ACP6: variants seen among roughly 807,000 people sequenced by gnomAD.
ACP6 encodes the protein lysophosphatidic acid phosphatase type 6.
A neutral mutation model predicts 48.1 loss-of-function variants in ACP6; 48 were observed. The ratio of observed to expected loss-of-function variants is 1.00; its 90% CI spans 0.79 to 1.27. ACP6 has a LOEUF of 1.27. ACP6 is among the 50% of genes most tolerant of loss of function. The pLI is 0.00. For synonymous variants in ACP6, 172 were observed against 204.2 expected (o/e 0.84, Z 1.34); for missense variants, 485 against 529.1 (o/e 0.92, Z 0.82).
chr1:147,666,705 T>C (rs1660814535), intron 1 of ACP6, among the ~76,000 whole-genome samples: 1 of 152,174 alleles, frequency 6.6e-6, no homozygotes, highest in Admixed American at 6.5e-5. Context: ...CCAATTAAAT[T>C]AGAATCCTTC....
chr1:147,631,273 T>A (rs782163008), intron 5 of ACP6, among the ~76,000 whole-genome samples: 2 of 152,200 alleles, frequency 1.3e-5, no homozygotes, highest in Non-Finnish European at 2.9e-5. Flanking sequence ...TGACATTATA[T>A]CCATCCCCTA....
chr1:147,663,550 C>G (rs1249116754), intron 1 of ACP6, among the ~76,000 whole-genome samples: 1 of 152,140 alleles, frequency 6.6e-6, no homozygotes, highest in Admixed American at 6.6e-5. Flanking sequence ...GTGGCTCATA[C>G]CTGTAATCCT....
intron 8 of ACP6, chr1:147,649,924 G>C: frequency 1.9e-6 from 1 of 523,012 alleles, no homozygotes; most frequent in Non-Finnish European, 3.3e-6. Context: ...AAAAGAGAGA[G>C]AGAAAGCAAA....
At chr1:147,654,397 T>G in intron 5 of ACP6, 71 bp from the exon 6 acceptor site, 1 of 1,557,212 alleles carries the variant, frequency 6.4e-7, no homozygotes. Context: ...GCTTCACACT[T>G]GGGTTATCAT....
chr1:147,632,073 G>T (rs1466909018), intron 5 of ACP6, among the ~76,000 whole-genome samples: 2 of 151,792 alleles, frequency 1.3e-5, no homozygotes, highest in Non-Finnish European at 2.9e-5. Context: ...CTTTGGCCTG[G>T]CATACTTGAC....
At chr1:147,650,294 A>C (rs782760215) in intron 7 of ACP6, 56 bp from the exon 8 acceptor site, 25 of 1,321,896 alleles carry the variant, frequency 1.9e-5, no homozygotes, top group Non-Finnish European at 2.4e-5. Flanking sequence ...TTCAGGGGAC[A>C]CAGACTGATT....
intron 7 of ACP6, chr1:147,650,502 C>T: frequency 2.8e-6 from 1 of 357,522 alleles, no homozygotes; most frequent in Non-Finnish European, 5.0e-6. Flanking sequence ...GCTGAGGGAG[C>T]AGGAGAGTGG....
chr1:147,650,492 G>A (rs1458238981), intron 7 of ACP6: 4 of 375,178 alleles, frequency 1.1e-5, no homozygotes, highest in Non-Finnish European at 1.9e-5. Flanking sequence ...GATGGGAGGG[G>A]CTGAGGGAGC....
At chr1:147,636,108 T>C (rs1553207969) in intron 5 of ACP6, among the ~76,000 whole-genome samples, 1 of 151,680 alleles carries the variant, frequency 6.6e-6, no homozygotes, top group Non-Finnish European at 1.5e-5. Context: ...TCTCCCAGAG[T>C]GTAGCTGTGG....
chr1:147,658,637 A>T (rs1448235447), intron 4 of ACP6, among the ~76,000 whole-genome samples: 1 of 152,128 alleles, frequency 6.6e-6, no homozygotes, highest in Non-Finnish European at 1.5e-5. Flanking sequence ...GCAATGTCTC[A>T]CCTAAATAAA....
intron 4 of ACP6, 105 bp from the exon 5 acceptor site, chr1:147,655,353 CTGAGAGG>C: frequency 2.3e-6 from 2 of 851,540 alleles, no homozygotes; most frequent in Non-Finnish European, 3.8e-6. Flanking sequence ...GAGATCTGCT[CTGAGAGG>C]CAGATCATCA....
At chr1:147,654,362 T>C (rs782776530) in intron 5 of ACP6, 36 bp from the exon 6 acceptor site, 9 of 1,607,522 alleles carry the variant, frequency 5.6e-6, no homozygotes, top group South Asian at 2.2e-5. Context: ...TTATATTCTA[T>C]AGTGATTAAC....
intron 1 of ACP6, among the ~76,000 whole-genome samples, chr1:147,667,729 G>A (rs587746442): frequency 2.6e-4 from 39 of 152,104 alleles, no homozygotes; most frequent in Admixed American, 7.9e-4. Flanking sequence ...GCTGGCTCAC[G>A]CCTGTAATCC....
chr1:147,652,746 A>G, intron 6 of ACP6, 197 bp from the exon 7 acceptor site: 1 of 758,076 alleles, frequency 1.3e-6, no homozygotes, highest in Non-Finnish European at 1.8e-6. Flanking sequence ...AGATACCTGA[A>G]GGCCAGGAAA....
At chr1:147,669,331 T>C (rs782115094) in intron 1 of ACP6, among the ~76,000 whole-genome samples, 2 of 152,118 alleles carry the variant, frequency 1.3e-5, no homozygotes, top group Non-Finnish European at 2.9e-5. Context: ...AAAGCAGTTA[T>C]AAAGTTTGTT....
intron 7 of ACP6, 31 bp downstream of exon 7, chr1:147,652,418 T>A: frequency 6.3e-7 from 1 of 1,593,284 alleles, no homozygotes; most frequent in Non-Finnish European, 8.6e-7. Flanking sequence ...TGACCAAGCG[T>A]GACTTCATGC....
rs1010209753 is a variant in ACP6 at position 147,644,284 on chromosome 1, G to A, written c.*3139C>T. On this transcript the variant is annotated 3_prime_UTR_variant, in exon 10 of 10. Coordinates refer to ENST00000583509, the MANE Select transcript of ACP6 (RefSeq NM_016361.5). ...ATCACATTGTACTCCATAAATATAC[G>A]CAATTATTATCTGTCAACTAAAAAG... 1 of 152,068 alleles carries A rather than the reference G, an allele frequency of 6.6e-6. No homozygotes were observed. Among genetic ancestry groups the A allele is most frequent in the Non-Finnish European group, 1.5e-5 (1 of 68,020 alleles). The allele number at this position is 152,068 out of a possible 1,614,324, so 9.4% of individuals were successfully genotyped here.
chr1:147,647,581 T>A lies in ACP6; in HGVS notation c.1144-15A>T, dbSNP rs1557878380. On this transcript the variant is annotated splice_polypyrimidine_tract_variant and intron_variant, in intron 9 of 9. Coordinates refer to ENST00000583509, the MANE Select transcript of ACP6 (RefSeq NM_016361.5). ...GGCACCTGCTCCTGCAGAAGAAACA[T>A]AACTCAGCAGGTCCGCCGAGGAACC... The A allele has an allele frequency of 6.2e-7, 1 of 1,610,014 alleles. No individual in the cohort carries two copies. Among genetic ancestry groups the A allele is most frequent in the Non-Finnish European group, 8.5e-7 (1 of 1,179,616 alleles).
intron 1 of ACP6, among the ~76,000 whole-genome samples, chr1:147,665,724 T>A (rs1660760805): frequency 2.0e-5 from 3 of 152,226 alleles, no homozygotes; most frequent in African/African-American, 7.2e-5. Flanking sequence ...AGAAATCTGT[T>A]AGGCACATTC....
Sources: allele counts gnomAD v4.1 joint callset (sites outside exome capture counted in the v4.1 genomes callset), GRCh38; gene constraint gnomAD v4.1.1; transcripts MANE v1.5; gene names NCBI Gene and HGNC (gene_info 2026-07-23, HGNC 2026-07-21).